The following HNRNPD variants were observed in gnomAD, a reference collection of about 807,000 sequenced individuals.
HNRNPD encodes the protein heterogeneous nuclear ribonucleoprotein D0.
Under a neutral mutation model 47.9 loss-of-function variants are expected in HNRNPD, and 3 were observed. That is an observed-to-expected ratio of 0.06 (90% CI 0.03 to 0.16). The LOEUF (loss-of-function observed/expected upper bound fraction) is 0.16, where lower values mean the gene tolerates loss of function less well. HNRNPD is among the 10% of genes least tolerant of loss of function. HNRNPD has a pLI of 1.00. For missense variants in HNRNPD, 287 were observed against 454.2 expected (o/e 0.63, Z 3.35); for synonymous variants, 171 against 165.1 (o/e 1.04, Z -0.28).
chr4:82,362,564 A>T (rs1719521892), intron 2 of HNRNPD, among the ~76,000 whole-genome samples: 1 of 151,814 alleles, frequency 6.6e-6, no homozygotes, highest in Non-Finnish European at 1.5e-5. Context: ...TTCCATCTTT[A>T]CTAAATGGAA....
At chr4:82,366,854 C>T (rs1007157064) in intron 2 of HNRNPD, among the ~76,000 whole-genome samples, 9 of 151,534 alleles carry the variant, frequency 5.9e-5, no homozygotes, top group Non-Finnish European at 1.3e-4. Context: ...AGCCACTACG[C>T]CTGGCCTAAA....
chr4:82,360,444 C>G (rs1723914967), intron 2 of HNRNPD, among the ~76,000 whole-genome samples: 1 of 151,982 alleles, frequency 6.6e-6, no homozygotes, highest in Admixed American at 6.6e-5. Context: ...TCAGATCTGG[C>G]AGCTTTACAT....
At position 82,352,706 on chromosome 4, in the gene HNRNPD, G is replaced by C. The variant is rs956124063; in HGVS notation, c.*1479C>G. 3.9e-5 allele frequency: 6 copies of C among 152,092 alleles called. No homozygotes were observed. The highest frequency in any genetic ancestry group is 8.8e-5 in the Non-Finnish European group (6 of 68,018). 9.4% of individuals were successfully genotyped at this position (152,092 alleles called of 1,614,324 possible). A position where few individuals can be genotyped will look rare whatever the true frequency, so the allele number is the denominator to read the frequency against. On this transcript the variant is annotated 3_prime_UTR_variant, in exon 9 of 9. Coordinates refer to ENST00000313899, the MANE Select transcript of HNRNPD (RefSeq NM_031370.3). ...TAAACTCTACCACTGTAACACAAAA[G>C]CAGCCATATACAAAACATAAACAAA...
In HNRNPD at chr4:82,356,557, T is replaced by C; in HGVS notation, c.980A>G (p.Tyr327Cys). ...CTTACTGCTATAATCACCATATCCA[T>C]AGTAGTTGTTGTAACCAGTGTAGTC... ...GYDYTGYNNYYGYGDYSNQQS... is the reference protein window; with the variant it reads ...GYDYTGYNNYCGYGDYSNQQS... The change falls in exon 7 of 9, where the codon TAT becomes TGT. Residue 327 changes from tyrosine to cysteine, a missense_variant. Physicochemically the swap from Tyr to Cys is radical, Grantham distance 194 (BLOSUM62 -2). Around this residue, in one of 5 missense-constraint regions of HNRNPD, gnomAD observed 65 missense variants for 107.1 expected, o/e 0.61. Transcript: ENST00000313899. 1.9e-6 allele frequency: 3 copies of C among 1,608,478 alleles called. No homozygotes were observed. Among genetic ancestry groups the C allele is most frequent in the Non-Finnish European group, 2.5e-6 (3 of 1,176,636 alleles).
intron 7 of HNRNPD, 92 bp downstream of exon 7, chr4:82,356,445 C>T (rs1429502144): frequency 2.0e-6 from 2 of 1,009,842 alleles, no homozygotes; most frequent in Non-Finnish European, 1.5e-6. Context: ...AAGACATTTG[C>T]ACTTGGCAAG....
chr4:82,373,037 A>C, intron 1 of HNRNPD: 2 of 431,734 alleles, frequency 4.6e-6, no homozygotes, highest in South Asian at 1.6e-5. Context: ...ACAAACAGAG[A>C]AGCTGTTTGT....
intron 5 of HNRNPD, 143 bp from the exon 6 acceptor site, chr4:82,357,038 A>G (rs1159180115): frequency 1.2e-5 from 9 of 761,220 alleles, no homozygotes; most frequent in South Asian, 1.7e-5. Flanking sequence ...AATTAAACCA[A>G]TATTTAGTAC....
chr4:82,359,336 C>T (rs558854116), intron 3 of HNRNPD, 135 bp downstream of exon 3: 7 of 485,972 alleles, frequency 1.4e-5, no homozygotes, highest in Admixed American at 1.2e-4. Context: ...CTTCATAAAA[C>T]GTATTGGGGC....
At chr4:82,369,513 T>C (rs572669763) in intron 2 of HNRNPD, among the ~76,000 whole-genome samples, 10 of 152,356 alleles carry the variant, frequency 6.6e-5, no homozygotes, top group African/African-American at 2.4e-4. Flanking sequence ...GTAATCACTT[T>C]ATTCTCAGAT....
chr4:82,371,633 G>C, intron 1 of HNRNPD, 49 bp from the exon 2 acceptor site: 1 of 1,486,928 alleles, frequency 6.7e-7, no homozygotes, highest in Non-Finnish European at 9.3e-7. Flanking sequence ...TCTAGTTTTA[G>C]TTTTTGACAC....
Position 82,373,840 on chromosome 4 carries a change from C to G in HNRNPD, c.-162G>C, listed in dbSNP as rs1720282411. ...CGTGGCTGCAAAGGCTCCTGCGCCT[C>G]TCCCTGGCCTGCCCCCTTCGCCTCC... On this transcript the variant is annotated 5_prime_UTR_variant, in exon 1 of 9. Coordinates refer to ENST00000313899, the MANE Select transcript of HNRNPD (RefSeq NM_031370.3). 7.0e-7 allele frequency: 1 copy of G among 1,430,482 alleles called. No individual in the cohort carries two copies. The highest frequency in any genetic ancestry group is 1.5e-5 in the African/African-American group (1 of 67,622). 88.6% of individuals were successfully genotyped at this position (1,430,482 alleles called of 1,614,324 possible).
At position 82,373,884 on chromosome 4, in the gene HNRNPD, ACTCCCGCTCT is replaced by A; in HGVS notation, c.-216_-207del. On this transcript the variant is annotated 5_prime_UTR_variant, in exon 1 of 9. Coordinates refer to ENST00000313899, the MANE Select transcript of HNRNPD (RefSeq NM_031370.3). ...CGCCTCCCACTCTCGCGCGGCGCAC[ACTCCCGCTCT>A]CTCCCGCTGCACTAAAAAAGAATAA... 2 of 1,173,260 alleles carry A rather than the reference ACTCCCGCTCT, an allele frequency of 1.7e-6. No homozygotes were observed. Among genetic ancestry groups the A allele is most frequent in the South Asian group, 1.6e-5 (1 of 60,834 alleles). 72.7% of individuals were successfully genotyped at this position (1,173,260 alleles called of 1,614,324 possible).
At position 82,373,747 on chromosome 4, in the gene HNRNPD, A is replaced by G. The variant is rs1720273044; in HGVS notation, c.-69T>C. 6 of 1,526,474 alleles carry G rather than the reference A, an allele frequency of 3.9e-6. No individual in the cohort carries two copies. The highest frequency in any genetic ancestry group is 8.7e-7 in the Non-Finnish European group (1 of 1,143,326). 94.6% of individuals were successfully genotyped at this position (1,526,474 alleles called of 1,614,324 possible). ...CTGCCGCGAACCGAAACTAGCAGCA[A>G]AGTAATCCCCGCCGCTGCCGCGCGC... On this transcript the variant is annotated 5_prime_UTR_variant, in exon 1 of 9. Transcript: ENST00000313899.
chr4:82,363,450 G>A (rs1489493054), intron 2 of HNRNPD, among the ~76,000 whole-genome samples: 1 of 152,108 alleles, frequency 6.6e-6, no homozygotes, highest in Non-Finnish European at 1.5e-5. Context: ...CTGCTGCCTT[G>A]AATACAAAGC....
intron 2 of HNRNPD, among the ~76,000 whole-genome samples, chr4:82,369,646 G>C (rs1339570012): frequency 1.3e-5 from 2 of 150,200 alleles, no homozygotes; most frequent in Non-Finnish European, 3.0e-5. Context: ...CTCAAAATGG[G>C]AGAAAGAGGA....
intron 1 of HNRNPD, chr4:82,373,067 A>G (rs1720150589): frequency 1.3e-5 from 6 of 474,240 alleles, no homozygotes; most frequent in Non-Finnish European, 2.5e-5. Context: ...TTTATGCCCA[A>G]GACTGTAGAA....
rs1723586611 is a variant in HNRNPD, at chr4:82,353,387, CCA to C, written c.*796_*797del. On this transcript the variant is annotated 3_prime_UTR_variant, in exon 9 of 9. Coordinates refer to ENST00000313899, the MANE Select transcript of HNRNPD (RefSeq NM_031370.3). ...CACTTGAATTCATCTATGAAGTCCA[CCA>C]CAGCTCTAAAAATCTCTCTGAACTA... 6.6e-6 allele frequency: 1 copy of C among 152,212 alleles called. No individual in the cohort carries two copies. Among genetic ancestry groups the C allele is most frequent in the South Asian group, 2.1e-4 (1 of 4,834 alleles). The allele number at this position is 152,212 out of a possible 1,614,324, so 9.4% of individuals were successfully genotyped here. A position where few individuals can be genotyped will look rare whatever the true frequency, so the allele number is the denominator to read the frequency against.
At chr4:82,358,611 A>G in intron 4 of HNRNPD, 48 bp downstream of exon 4, 1 of 1,544,036 alleles carries the variant, frequency 6.5e-7, no homozygotes, top group Non-Finnish European at 8.8e-7. Flanking sequence ...GGACAATCAC[A>G]TTCACACTAA....
chr4:82,356,944 T>C (rs1386353755), intron 5 of HNRNPD, 49 bp from the exon 6 acceptor site: 1 of 1,496,056 alleles, frequency 6.7e-7, no homozygotes, highest in Non-Finnish European at 9.3e-7. Flanking sequence ...AAATAAAAGT[T>C]GCTAAATAAG....
Sources: allele counts gnomAD v4.1 joint callset (sites outside exome capture counted in the v4.1 genomes callset), GRCh38; gene constraint gnomAD v4.1.1; regional missense constraint gnomAD v4.1.1; transcripts MANE v1.5; gene names NCBI Gene and HGNC (gene_info 2026-07-23, HGNC 2026-07-21).